The following TNKS variants were observed in gnomAD, a reference collection of about 807,000 sequenced individuals.
The protein encoded by TNKS is poly [ADP-ribose] polymerase tankyrase-1.
Under a neutral mutation model 135.8 loss-of-function variants are expected in TNKS, and 72 were observed. The ratio of observed to expected loss-of-function variants is 0.53; its 90% CI spans 0.44 to 0.64. The LOEUF (loss-of-function observed/expected upper bound fraction) is 0.64. Among genes scored for constraint, TNKS ranks in the 30% least tolerant of loss-of-function variants. TNKS has a pLI of 0.00. For synonymous variants in TNKS, 849 were observed against 649.3 expected (o/e 1.31, Z -4.68); for missense variants, 1,769 against 1,674.0 (o/e 1.06, Z -0.99).
intron 19 of TNKS, among the ~76,000 whole-genome samples, 172 bp from the exon 20 acceptor site, chr8:9,752,372 A>G (rs990644956): frequency 2.8e-4 from 42 of 152,280 alleles, no homozygotes; most frequent in Admixed American, 1.3e-3. Flanking sequence ...TTACTTCCCA[A>G]TCAACTTCAG....
At chr8:9,574,053 T>G (rs1166599552) in intron 1 of TNKS, among the ~76,000 whole-genome samples, 1 of 152,200 alleles carries the variant, frequency 6.6e-6, no homozygotes, top group Non-Finnish European at 1.5e-5. Context: ...CTCTTTGCTA[T>G]TAGAATAAGG....
chr8:9,585,359 G>T (rs4518673), intron 2 of TNKS, among the ~76,000 whole-genome samples: 1 of 150,874 alleles, frequency 6.6e-6, no homozygotes, highest in Non-Finnish European at 1.5e-5. Flanking sequence ...GGGGAAAAAA[G>T]AAAAAAAAGT....
At chr8:9,561,934 A>T (rs928904868) in intron 1 of TNKS, among the ~76,000 whole-genome samples, 1 of 152,134 alleles carries the variant, frequency 6.6e-6, no homozygotes, top group African/African-American at 2.4e-5. Context: ...CTCCTGCCTC[A>T]GCCTCCTGAG....
Position 9,680,794 on chromosome 8 carries a change from G to C in TNKS, c.1101G>C (p.Gly367=), listed in dbSNP as rs1802749084. 6.2e-7 allele frequency: 1 copy of C among 1,611,728 alleles called. No individual in the cohort carries two copies. The highest frequency in any genetic ancestry group is 8.5e-7 in the Non-Finnish European group (1 of 1,178,598). ...PLNVNCHASD[G]RKSTPLHLAA... ...ATGTGAATTGCCATGCAAGTGATGG[G>C]CGAAAGGTAAGTTATTTTAAATACA... The change falls in exon 5 of 27, where the codon GGG becomes GGC. Residue 367 remains glycine, a synonymous_variant. Coordinates refer to ENST00000310430, the MANE Select transcript of TNKS (RefSeq NM_003747.3).
intron 11 of TNKS, among the ~76,000 whole-genome samples, chr8:9,715,979 C>A (rs920670245): frequency 6.6e-6 from 1 of 152,128 alleles, no homozygotes; most frequent in African/African-American, 2.4e-5. Flanking sequence ...AAAACTTACG[C>A]CCCAACTGCA....
intron 3 of TNKS, among the ~76,000 whole-genome samples, chr8:9,645,776 AT>A (rs1800897166): frequency 6.6e-6 from 1 of 152,032 alleles, no homozygotes; most frequent in African/African-American, 2.4e-5. Context: ...TTTCTTTAGT[AT>A]TTTTTGAAAC....
intron 21 of TNKS, 24 bp downstream of exon 21, chr8:9,761,660 AAAT>A (rs1381996200): frequency 6.3e-7 from 1 of 1,582,136 alleles, no homozygotes; most frequent in Non-Finnish European, 8.5e-7. Context: ...AAAAAAAAAA[AAAT>A]TTCAGAAATC....
intron 3 of TNKS, among the ~76,000 whole-genome samples, chr8:9,641,182 A>G (rs566141804): frequency 6.9e-6 from 1 of 145,960 alleles, no homozygotes; most frequent in African/African-American, 2.5e-5. Context: ...GAACATTAAC[A>G]GTTTCCTTAA....
rs1808254005 is a variant in TNKS at position 9,776,974 on chromosome 8, C to T, written c.*238C>T. On this transcript the variant is annotated 3_prime_UTR_variant, in exon 27 of 27. Transcript: ENST00000310430. ...GCGGCCTTTTAACATATCTCAGGCT[C>T]ATTTTCATTGCAATTATCCATTTCT... The T allele has an allele frequency of 8.6e-6, 4 of 465,480 alleles. No individual in the cohort carries two copies. In the South Asian group the frequency reaches 1.5e-4, roughly 17 times the overall value. 28.8% of individuals were successfully genotyped at this position (465,480 alleles called of 1,614,324 possible).
chr8:9,556,410 C>G lies in TNKS; in HGVS notation c.471C>G (p.Ala157=), dbSNP rs1815306338. The G allele has an allele frequency of 6.2e-7, 1 of 1,614,062 alleles. No individual in the cohort carries two copies. The highest frequency in any genetic ancestry group is 8.5e-7 in the Non-Finnish European group (1 of 1,180,036). ...GSSLAESPEA[A]GVSSTAPLGP... ...GCTTGGCGGAGAGCCCCGAGGCGGC[C>G]GGAGTTAGCAGCACAGCACCACTGG... The change falls in exon 1 of 27, where the codon GCC becomes GCG. Residue 157 remains alanine, a synonymous_variant. Transcript: ENST00000310430.
chr8:9,644,649 G>A (rs1009848718), intron 3 of TNKS, among the ~76,000 whole-genome samples: 7 of 152,018 alleles, frequency 4.6e-5, no homozygotes, highest in Admixed American at 2.0e-4. Flanking sequence ...TTCTTTTGGC[G>A]TACCACCATT....
At chr8:9,740,309 G>C (rs1311826877) in intron 17 of TNKS, among the ~76,000 whole-genome samples, 1 of 152,100 alleles carries the variant, frequency 6.6e-6, no homozygotes, top group Admixed American at 6.5e-5. Context: ...TACGTACCAG[G>C]TGTTCTCACA....
intron 3 of TNKS, among the ~76,000 whole-genome samples, chr8:9,629,928 C>A (rs962337465): frequency 6.6e-6 from 1 of 152,104 alleles, no homozygotes; most frequent in African/African-American, 2.4e-5. Context: ...GTGATCCGCC[C>A]GCCTCGGCCT....
At chr8:9,563,514 A>G (rs1328862686) in intron 1 of TNKS, among the ~76,000 whole-genome samples, 1 of 152,122 alleles carries the variant, frequency 6.6e-6, no homozygotes, top group Non-Finnish European at 1.5e-5. Flanking sequence ...ATTTATGAGA[A>G]TAGGTGATGG....
chr8:9,711,516 C>T (rs1312473196), intron 11 of TNKS, among the ~76,000 whole-genome samples: 1 of 152,028 alleles, frequency 6.6e-6, no homozygotes, highest in Non-Finnish European at 1.5e-5. Flanking sequence ...AGGGAGTGAC[C>T]CTGACATGCT....
intron 8 of TNKS, among the ~76,000 whole-genome samples, chr8:9,707,234 T>A (rs192201921): frequency 1.8e-3 from 280 of 152,304 alleles, no homozygotes; most frequent in African/African-American, 6.5e-3. Context: ...GCTCCTTTTT[T>A]GGTTTTTTGA....
chr8:9,733,148 G>A, intron 14 of TNKS, 131 bp from the exon 15 acceptor site: 1 of 633,146 alleles, frequency 1.6e-6, no homozygotes. Flanking sequence ...AAGAACAGAG[G>A]TGGGTGTATT....
intron 3 of TNKS, among the ~76,000 whole-genome samples, chr8:9,635,549 C>A (rs1480447069): frequency 6.6e-6 from 1 of 152,184 alleles, no homozygotes; most frequent in Non-Finnish European, 1.5e-5. Context: ...TGATTCTCAG[C>A]ATGATTGCTC....
intron 15 of TNKS, among the ~76,000 whole-genome samples, chr8:9,733,938 G>C (rs1805566945): frequency 6.6e-6 from 1 of 152,028 alleles, no homozygotes; most frequent in Non-Finnish European, 1.5e-5. Context: ...ACATGTAAAA[G>C]AGTGAAAACT....
Sources: allele counts gnomAD v4.1 joint callset (sites outside exome capture counted in the v4.1 genomes callset), GRCh38; gene constraint gnomAD v4.1.1; transcripts MANE v1.5; gene names NCBI Gene and HGNC (gene_info 2026-07-23, HGNC 2026-07-21).